The following UCK2 variants were observed in gnomAD, a reference collection of about 807,000 sequenced individuals.
UCK2 encodes uridine-cytidine kinase 2, also known as cytidine monophosphokinase 2.
In UCK2, 6 loss-of-function variants were observed where a neutral mutation model predicts 30.8. The observed-to-expected ratio is 0.19, with a 90% CI of 0.11 to 0.38. The LOEUF is 0.38. Ranked by LOEUF, UCK2 falls within the 10% of genes least tolerant of loss-of-function variation. The probability of loss-of-function intolerance (pLI) is 1.00; values close to 1 mark genes in which losing one functional copy is unlikely to be tolerated. For synonymous variants in UCK2, 125 were observed against 133.6 expected, an observed-to-expected ratio of 0.94 and a Z score of 0.45; for missense variants, 210 against 339.8, an observed-to-expected ratio of 0.62 and a Z score of 3.00.
Position 165,827,941 on chromosome 1 carries a change from G to T in UCK2, c.99+9G>T. The T allele has an allele frequency of 7.3e-7, 1 of 1,371,818 alleles. No homozygotes were observed. Among genetic ancestry groups the T allele is most frequent in the South Asian group, 1.9e-5 (1 of 53,708 alleles). 85.0% of individuals were successfully genotyped at this position (1,371,818 alleles called of 1,614,324 possible). A position where few individuals can be genotyped will look rare whatever the true frequency, so the allele number is the denominator to read the frequency against. ...GAACAGCTAGCGGCAAGGTACGGCG[G>T]GGCCCGGAGCCGCGCTCCCTTCCCG... is the stretch of plus-strand genomic sequence containing the variant. On this transcript the variant is annotated intron_variant, in intron 1 of 6. Transcript: ENST00000367879.
intron 1 of UCK2, among the ~76,000 whole-genome samples, chr1:165,880,564 GGGGTGTGTGTGTGTGTGTGTGTGT>G (rs1397156438): frequency 4.5e-4 from 45 of 100,058 alleles, no homozygotes; most frequent in African/African-American, 8.6e-4. Context: ...GTTTTTTTTG[GGGGTGTGTGTGTGTGTGTGTGTGT>G]GTGTGTGTGT....
chr1:165,853,469 T>G (rs1394525342), intron 1 of UCK2, among the ~76,000 whole-genome samples: 6 of 152,014 alleles, frequency 3.9e-5, no homozygotes, highest in Non-Finnish European at 8.8e-5. Flanking sequence ...CTAAATCTAG[T>G]GGGTTCTCTC....
intron 1 of UCK2, among the ~76,000 whole-genome samples, chr1:165,875,851 T>C (rs1270611589): frequency 6.6e-6 from 1 of 152,294 alleles, no homozygotes; most frequent in East Asian, 1.9e-4. Context: ...AAACTCCCTG[T>C]ACCCAGCTTT....
intron 1 of UCK2, among the ~76,000 whole-genome samples, chr1:165,832,793 TG>T (rs1400130540): frequency 1.3e-5 from 2 of 151,842 alleles, no homozygotes; most frequent in Admixed American, 1.3e-4. Context: ...GGGGTTTCAC[TG>T]TGTTGGCCAG....
intron 1 of UCK2, among the ~76,000 whole-genome samples, chr1:165,884,378 A>C (rs1479821210): frequency 1.3e-5 from 2 of 152,220 alleles, no homozygotes; most frequent in African/African-American, 4.8e-5. Flanking sequence ...GGAGTGTTAC[A>C]ACAGACATCT....
chr1:165,894,265 A>C (rs564067668), intron 3 of UCK2: 2 of 152,370 alleles, frequency 1.3e-5, no homozygotes, highest in East Asian at 3.9e-4. Flanking sequence ...AGTGTGTTCA[A>C]GTGGACTCTT....
At chr1:165,829,529 G>T (rs1398381686) in intron 1 of UCK2, among the ~76,000 whole-genome samples, 3 of 152,186 alleles carry the variant, frequency 2.0e-5, no homozygotes. Flanking sequence ...TGGGGAGGAG[G>T]CTTAAACTTG....
At chr1:165,838,439 A>G (rs2101850635) in intron 1 of UCK2, among the ~76,000 whole-genome samples, 1 of 152,220 alleles carries the variant, frequency 6.6e-6, no homozygotes, top group South Asian at 2.1e-4. Flanking sequence ...ATCGTTAACC[A>G]CCTTCCCTCC....
chr1:165,852,809 T>A (rs1654630258), intron 1 of UCK2, among the ~76,000 whole-genome samples: 1 of 152,082 alleles, frequency 6.6e-6, no homozygotes, highest in African/African-American at 2.4e-5. Context: ...AATGGGTGGG[T>A]ATGTGGACAA....
intron 4 of UCK2, among the ~76,000 whole-genome samples, chr1:165,902,395 G>C (rs1398416694): frequency 6.7e-6 from 1 of 150,096 alleles, no homozygotes; most frequent in Non-Finnish European, 1.5e-5. Context: ...CTGTGTGACA[G>C]AGCAAGACAC....
chr1:165,880,558 TTTTTGG>T (rs1427248679), intron 1 of UCK2, among the ~76,000 whole-genome samples: 27 of 86,482 alleles, frequency 3.1e-4, no homozygotes, highest in Admixed American at 1.1e-3. Flanking sequence ...CATTCAGTTT[TTTTTGG>T]GGGTGTGTGT....
intron 1 of UCK2, among the ~76,000 whole-genome samples, chr1:165,877,410 T>C (rs1655366046): frequency 6.6e-6 from 1 of 152,290 alleles, no homozygotes; most frequent in South Asian, 2.1e-4. Flanking sequence ...GCTACTGCTG[T>C]TTTGCTGTTT....
At chr1:165,870,201 A>ATTTTTTTTTTTTTTT (rs11336105) in intron 1 of UCK2, among the ~76,000 whole-genome samples, 1 of 94,708 alleles carries the variant, frequency 1.1e-5, no homozygotes. Context: ...GTCTAACTTC[A>ATTTTTTTTTTTTTTT]TTTTTTTTTT....
intron 1 of UCK2, among the ~76,000 whole-genome samples, 166 bp downstream of exon 1, chr1:165,828,098 C>T (rs1410735610): frequency 6.6e-6 from 1 of 150,644 alleles, no homozygotes; most frequent in Non-Finnish European, 1.5e-5. Context: ...GGCCTGGGGG[C>T]GCTGCGGCGG....
intron 1 of UCK2, among the ~76,000 whole-genome samples, chr1:165,852,995 T>C (rs890392995): frequency 3.9e-5 from 6 of 152,246 alleles, no homozygotes; most frequent in Non-Finnish European, 5.9e-5. Flanking sequence ...CTCTGGTTTC[T>C]TTTCTTCTAA....
chr1:165,885,523 G>A, intron 1 of UCK2: 1 of 391,336 alleles, frequency 2.6e-6, no homozygotes, highest in Non-Finnish European at 4.5e-6. Flanking sequence ...TAACCCTCCC[G>A]ACTCCAATTT....
At chr1:165,896,154 C>T (rs1647248827) in intron 3 of UCK2, 36 bp from the exon 4 acceptor site, 2 of 1,612,524 alleles carry the variant, frequency 1.2e-6, no homozygotes, top group Admixed American at 1.7e-5. Context: ...CTAGCCCCTG[C>T]CTGGCTTGGC....
chr1:165,890,405 G>T lies in UCK2; in HGVS notation c.259+42G>T, dbSNP rs1188120364. The T allele has an allele frequency of 3.1e-6, 5 of 1,587,856 alleles. No homozygotes were observed. The African/African-American group carries it at 5.4e-5, about 17-fold the overall frequency. ...AGGGGGTATGTATCTGTATTGGTGT[G>T]TTGGGGGGAATAGTTTTATTTTGCT... On this transcript the variant is annotated intron_variant, in intron 2 of 6. Coordinates refer to ENST00000367879, the MANE Select transcript of UCK2 (RefSeq NM_012474.5).
intron 1 of UCK2, among the ~76,000 whole-genome samples, chr1:165,874,542 G>A (rs932841495): frequency 9.9e-5 from 15 of 152,192 alleles, no homozygotes; most frequent in South Asian, 4.1e-4. Context: ...AAAGGGATAG[G>A]GCAGGGATTT....
Sources: allele counts gnomAD v4.1 joint callset (sites outside exome capture counted in the v4.1 genomes callset), GRCh38; gene constraint gnomAD v4.1.1; transcripts MANE v1.5; gene names NCBI Gene and HGNC (gene_info 2026-07-23, HGNC 2026-07-21).